GBF1: variants seen among roughly 807,000 people sequenced by gnomAD.
GBF1 encodes the protein golgi brefeldin A resistant guanine nucleotide exchange factor 1, also known as Golgi-specific brefeldin A-resistance guanine nucleotide exchange factor 1.
GBF1 carries 114 observed loss-of-function variants against 210.5 expected under a neutral mutation model. The ratio of observed to expected loss-of-function variants is 0.54; its 90% CI spans 0.47 to 0.63. GBF1 has a LOEUF of 0.63. GBF1 is among the 30% of genes least tolerant of loss of function. The pLI is 0.00. For missense variants in GBF1, 1,851 were observed against 2,357.7 expected, an observed-to-expected ratio of 0.79 and a Z score of 4.45; for synonymous variants, 850 against 889.2, an observed-to-expected ratio of 0.96 and a Z score of 0.78.
In GBF1 at chr10:102,379,547, C is replaced by G; in HGVS notation, c.4672C>G (p.Arg1558Gly). The G allele has an allele frequency of 6.2e-7, 1 of 1,614,078 alleles. No individual in the cohort carries two copies. Among genetic ancestry groups the G allele is most frequent in the South Asian group, 1.1e-5 (1 of 91,070 alleles). The change falls in exon 35 of 40, where the codon CGG (arginine) becomes GGG (glycine). Residue 1558 changes from arginine to glycine, a missense_variant. Around this residue, in one of 3 missense-constraint regions of GBF1, gnomAD observed 967 missense variants for 1,247.7 expected, o/e 0.78. Coordinates refer to ENST00000369983, the MANE Select transcript of GBF1 (RefSeq NM_001377137.1). Reference sequence around the variant, plus strand: ...TATTGCCTGCCTGTGCTGCGATGCCCGGCGCCAGGTACGGATGCAGGCACT... The same window carrying G: ...TATTGCCTGCCTGTGCTGCGATGCCGGGCGCCAGGTACGGATGCAGGCACT... ...QGIACLCCDA[R>G]RQVRMQALTY... is the part of the protein sequence containing the mutation.
At chr10:102,335,813 T>G (rs1250974806) in intron 3 of GBF1, among the ~76,000 whole-genome samples, 1 of 152,174 alleles carries the variant, frequency 6.6e-6, no homozygotes, top group Non-Finnish European at 1.5e-5. Context: ...ATAATTCATT[T>G]TATTAAAAGG....
intron 6 of GBF1, 106 bp downstream of exon 6, chr10:102,352,057 T>A (rs915526887): frequency 4.1e-6 from 3 of 724,870 alleles, no homozygotes; most frequent in Non-Finnish European, 7.6e-6. Context: ...GACTTCTCCA[T>A]CATCTATCTC....
At chr10:102,285,947 G>T (rs2075898177) in intron 3 of GBF1, among the ~76,000 whole-genome samples, 1 of 151,718 alleles carries the variant, frequency 6.6e-6, no homozygotes, top group South Asian at 2.1e-4. Context: ...ATACATTTTA[G>T]TGTTTATTGC....
At chr10:102,247,141 C>T (rs1224117053) in intron 1 of GBF1, among the ~76,000 whole-genome samples, 3 of 152,180 alleles carry the variant, frequency 2.0e-5, no homozygotes, top group African/African-American at 7.2e-5. Flanking sequence ...CAAGGAGGAT[C>T]AAAACCTCAT....
chr10:102,334,709 CGTG>C lies in GBF1; in HGVS notation c.164-9337_164-9335del, dbSNP rs560786681. On this transcript the variant is annotated intron_variant, in intron 3 of 39. Transcript: ENST00000369983. ...CTGAAAATACAAAAAATTAGCCAGG[CGTG>C]GTGGCTTGCGCCTGTAGTCCCAGCT... Among the ~76,000 whole-genome samples the C allele has an allele frequency of 1.1e-4, 17 of 152,140 alleles. No individual in the cohort carries two copies. In the South Asian group the frequency reaches 3.5e-3, roughly 32 times the overall value.
At position 102,351,351 on chromosome 10, in the gene GBF1, G is replaced by A. The variant is rs756199794; in HGVS notation, c.391G>A (p.Val131Ile). The change falls in exon 5 of 40, where the codon GTT becomes ATT. Residue 131 changes from valine (V) to isoleucine (I), a missense_variant. Val to Ile is a conservative substitution (Grantham distance 29). Around this residue, in one of 3 missense-constraint regions of GBF1, gnomAD observed 804 missense variants for 958.6 expected, o/e 0.84. Coordinates refer to ENST00000369983, the MANE Select transcript of GBF1 (RefSeq NM_001377137.1). ...FVGTDPASDE[V>I]VLMKILQVLR... is the part of the protein sequence containing the mutation. Reference sequence around the variant, plus strand: ...GGGCACGGATCCTGCCAGTGATGAAGTTGTCCTGATGAAAATCCTTCAGGT... The same window carrying A: ...GGGCACGGATCCTGCCAGTGATGAAATTGTCCTGATGAAAATCCTTCAGGT... 6.3e-7 allele frequency: 1 copy of A among 1,597,874 alleles called. No homozygotes were observed. The highest frequency in any genetic ancestry group is 2.2e-5 in the East Asian group (1 of 44,806).
At chr10:102,242,156 C>A (rs1015948849), upstream of GBF1, among the ~76,000 whole-genome samples, 1 of 152,224 alleles carries the variant, frequency 6.6e-6, no homozygotes, top group Non-Finnish European at 1.5e-5. Context: ...TCCTCTTCTT[C>A]ATTTCCCCCT....
rs529210400 is a variant in GBF1, at chr10:102,305,705, A to G, written c.164-38346A>G. Among the ~76,000 whole-genome samples, 93 of 152,314 alleles carry G rather than the reference A, an allele frequency of 6.1e-4. 1 individual carries two copies. The highest frequency in any genetic ancestry group is 7.8e-4 in the Admixed American group (12 of 15,292). On this transcript the variant is annotated intron_variant, in intron 3 of 39. Transcript: ENST00000369983. ...CGCCCAGGCTGGAGTGCCATGACGC[A>G]AGACTCTGTCTCCAAAAAAAGAAAA...
At chr10:102,361,950 A>G in intron 14 of GBF1, 38 bp downstream of exon 14, 2 of 1,300,486 alleles carry the variant, frequency 1.5e-6, no homozygotes, top group Non-Finnish European at 2.1e-6. Flanking sequence ...GAAAAAACGC[A>G]TTATAAAGGA....
chr10:102,241,788 G>A (rs536662151), upstream of GBF1, among the ~76,000 whole-genome samples: 1 of 152,380 alleles, frequency 6.6e-6, no homozygotes, highest in South Asian at 2.1e-4. The surrounding 1 kb of genome is among the most constrained non-coding windows in gnomAD (Gnocchi z 6.7). Flanking sequence ...CGCTTAGGCA[G>A]AGCCAAGTGG....
chr10:102,338,985 T>C (rs376869080), intron 3 of GBF1, among the ~76,000 whole-genome samples: 1 of 151,996 alleles, frequency 6.6e-6, no homozygotes. Context: ...TTGTCTTAAA[T>C]TGAAATGGAA....
At chr10:102,286,330 G>T (rs1589489784) in intron 3 of GBF1, among the ~76,000 whole-genome samples, 1 of 150,806 alleles carries the variant, frequency 6.6e-6, no homozygotes, top group East Asian at 2.0e-4. Context: ...GGATGACTTT[G>T]ATTTAGTTAT....
intron 35 of GBF1, 63 bp from the exon 36 acceptor site, chr10:102,379,790 T>A (rs1030923382): frequency 4.7e-6 from 7 of 1,497,302 alleles, no homozygotes; most frequent in Non-Finnish European, 6.5e-6. Context: ...GTTCCTGGCT[T>A]CCTTGGGGCA....
upstream of GBF1, among the ~76,000 whole-genome samples, chr10:102,241,677 G>T (rs908889291): frequency 6.6e-6 from 1 of 152,354 alleles, no homozygotes; most frequent in East Asian, 1.9e-4. The surrounding 1 kb of genome is among the most constrained non-coding windows in gnomAD (Gnocchi z 6.7). Flanking sequence ...GGGTCTGGCC[G>T]GCGAGACGCC....
intron 1 of GBF1, among the ~76,000 whole-genome samples, chr10:102,254,383 A>G (rs1489459044): frequency 6.6e-6 from 1 of 152,244 alleles, no homozygotes; most frequent in African/African-American, 2.4e-5. Flanking sequence ...AAAAATCAAA[A>G]AGAAAATATT....
intron 3 of GBF1, among the ~76,000 whole-genome samples, chr10:102,324,035 T>TTA (rs1413223789): frequency 6.6e-6 from 1 of 152,174 alleles, no homozygotes; most frequent in Admixed American, 6.6e-5. Flanking sequence ...TCTCTTATAC[T>TTA]GGTGCAAGTG....
At chr10:102,279,276 C>T (rs1046975781) in intron 3 of GBF1, among the ~76,000 whole-genome samples, 26 of 152,346 alleles carry the variant, frequency 1.7e-4, no homozygotes, top group African/African-American at 5.8e-4. Flanking sequence ...AGAATGGCCA[C>T]ATCACCCAGT....
intron 8 of GBF1, among the ~76,000 whole-genome samples, chr10:102,354,501 A>G (rs553789356): frequency 1.3e-5 from 2 of 151,658 alleles, no homozygotes; most frequent in African/African-American, 4.8e-5. Context: ...TCCCCTTTTT[A>G]TTTCTTTCAA....
At chr10:102,301,271 C>A (rs1386286550) in intron 3 of GBF1, among the ~76,000 whole-genome samples, 1 of 152,160 alleles carries the variant, frequency 6.6e-6, no homozygotes, top group African/African-American at 2.4e-5. Context: ...GGACACAGCA[C>A]ATGTTTCAGA....
Sources: allele counts gnomAD v4.1 joint callset (sites outside exome capture counted in the v4.1 genomes callset), GRCh38; gene constraint gnomAD v4.1.1; regional missense constraint gnomAD v4.1.1; non-coding constraint Gnocchi (gnomAD v3.1); transcripts MANE v1.5; gene names NCBI Gene and HGNC (gene_info 2026-07-23, HGNC 2026-07-21).